Variants in MPP7 observed in about 807,000 individuals in gnomAD.
The protein encoded by MPP7 is MAGUK p55 scaffold protein 7.
Under a neutral mutation model 76.5 loss-of-function variants are expected in MPP7, and 60 were observed. That is an observed-to-expected ratio of 0.78 (90% CI 0.64 to 0.97). The LOEUF (loss-of-function observed/expected upper bound fraction) is 0.97. MPP7 is among the 50% of genes least tolerant of loss of function. The pLI is 0.00. For missense variants in MPP7, 641 were observed against 694.0 expected (o/e 0.92, Z 0.86); for synonymous variants, 237 against 244.5 (o/e 0.97, Z 0.29).
At chr10:28,276,468 T>C (rs1158385318) in intron 1 of MPP7, among the ~76,000 whole-genome samples, 3 of 152,118 alleles carry the variant, frequency 2.0e-5, no homozygotes, top group South Asian at 2.1e-4. Context: ...ACAGCTGAGA[T>C]GAGAAATAGC....
chr10:28,107,338 T>C (rs1834358439), intron 11 of MPP7, among the ~76,000 whole-genome samples: 1 of 152,172 alleles, frequency 6.6e-6, no homozygotes, highest in African/African-American at 2.4e-5. Flanking sequence ...GCATTTTATG[T>C]GACAGTCATC....
intron 11 of MPP7, among the ~76,000 whole-genome samples, chr10:28,096,233 C>A (rs1049739305): frequency 6.6e-6 from 1 of 152,144 alleles, no homozygotes; most frequent in African/African-American, 2.4e-5. Context: ...AGATCCTGTC[C>A]AAATGCTTCT....
At chr10:28,225,022 C>T (rs1471318029) in intron 2 of MPP7, among the ~76,000 whole-genome samples, 1 of 152,054 alleles carries the variant, frequency 6.6e-6, no homozygotes, top group Non-Finnish European at 1.5e-5. Context: ...ATTTATTCTG[C>T]AAATAAACAC....
At chr10:28,123,770 C>T (rs1834919925) in intron 8 of MPP7, among the ~76,000 whole-genome samples, 1 of 152,054 alleles carries the variant, frequency 6.6e-6, no homozygotes, top group South Asian at 2.1e-4. Flanking sequence ...CCACACTCGG[C>T]CCTAAAACTC....
chr10:28,074,905 G>A (rs1852416354), intron 12 of MPP7, among the ~76,000 whole-genome samples: 1 of 152,088 alleles, frequency 6.6e-6, no homozygotes, highest in South Asian at 2.1e-4. Context: ...ACATTAGTCT[G>A]TTCTCACACT....
At chr10:28,114,939 C>A (rs1446331073) in intron 11 of MPP7, among the ~76,000 whole-genome samples, 2 of 152,158 alleles carry the variant, frequency 1.3e-5, no homozygotes, top group Non-Finnish European at 2.9e-5. Context: ...AGGTTCTTCA[C>A]CTCAACCATC....
chr10:28,234,654 C>G (rs1217327699), intron 2 of MPP7, among the ~76,000 whole-genome samples: 1 of 152,128 alleles, frequency 6.6e-6, no homozygotes, highest in Non-Finnish European at 1.5e-5. Flanking sequence ...GATCTTACCC[C>G]ACAAACACAT....
chr10:28,215,258 T>C (rs6481512), intron 2 of MPP7, among the ~76,000 whole-genome samples: 24,711 of 152,048 alleles, frequency 0.16, 2,374 homozygotes, highest in African/African-American at 0.26. Context: ...TCTTTCTCCA[T>C]TGCAATTCCC....
chr10:28,085,781 G>A (rs1852979058), intron 12 of MPP7, among the ~76,000 whole-genome samples: 1 of 152,008 alleles, frequency 6.6e-6, no homozygotes, highest in Non-Finnish European at 1.5e-5. Flanking sequence ...ACAGGAGACA[G>A]AAACAGCAGT....
At chr10:28,113,022 G>A (rs532491342) in intron 11 of MPP7, among the ~76,000 whole-genome samples, 1 of 152,124 alleles carries the variant, frequency 6.6e-6, no homozygotes, top group East Asian at 1.9e-4. Context: ...TTATACAACT[G>A]CCTGCTGGTG....
intron 2 of MPP7, among the ~76,000 whole-genome samples, chr10:28,226,822 T>C (rs1216493151): frequency 6.6e-6 from 1 of 152,142 alleles, no homozygotes; most frequent in Non-Finnish European, 1.5e-5. Flanking sequence ...GATTCTAAAA[T>C]GAGCAATGAA....
intron 3 of MPP7, among the ~76,000 whole-genome samples, chr10:28,185,198 T>A (rs557411255): frequency 6.7e-6 from 1 of 148,212 alleles, no homozygotes; most frequent in African/African-American, 2.5e-5. Flanking sequence ...AATTATTATG[T>A]TGTTATATGA....
At chr10:28,332,246 C>CGTGTGTGTGTGTGTGTGTGT (rs4018712) in intron 1 of MPP7, among the ~76,000 whole-genome samples, 2,989 of 146,818 alleles carry the variant, frequency 0.02, 56 homozygotes, top group Non-Finnish European at 0.026. Context: ...CAAATGTATG[C>CGTGTGTGTGTGTGTGTGTGT]GTGTGTGTGT....
chr10:28,216,271 G>A (rs1465609748), intron 2 of MPP7, among the ~76,000 whole-genome samples: 1 of 151,910 alleles, frequency 6.6e-6, no homozygotes, highest in South Asian at 2.1e-4. Flanking sequence ...AGTCAAGGTG[G>A]TGCCACTGCA....
intron 2 of MPP7, among the ~76,000 whole-genome samples, chr10:28,323,113 C>G (rs576416883): frequency 6.6e-6 from 1 of 151,952 alleles, no homozygotes; most frequent in South Asian, 2.1e-4. Context: ...GGTGAAACCC[C>G]GTCTCTACTA....
intron 5 of MPP7, among the ~76,000 whole-genome samples, chr10:28,141,108 G>A (rs543733155): frequency 4.6e-5 from 7 of 151,984 alleles, no homozygotes; most frequent in Non-Finnish European, 8.8e-5. Context: ...ATAAATATCT[G>A]CAGTTATTTA....
chr10:28,088,446 C>T (rs1027512904), intron 12 of MPP7, among the ~76,000 whole-genome samples: 4 of 152,222 alleles, frequency 2.6e-5, no homozygotes, highest in South Asian at 2.1e-4. Flanking sequence ...CGTCCCCTGT[C>T]GCTCTCACTC....
Position 28,054,236 on chromosome 10 carries a change from ATCT to A in MPP7, c.1557_1559del (p.Glu519del), listed in dbSNP as rs761105527. The A allele has an allele frequency of 6.4e-6, 10 of 1,562,252 alleles. No individual in the cohort carries two copies. The East Asian group carries it at 1.4e-4, about 21-fold the overall frequency. ...GTGCAGATTTAATCATTTCTTGAAA[ATCT>A]TCTTCCTACAAAAGGAAGTATTAAA... On this transcript the variant is annotated inframe_deletion, in exon 17 of 17. Transcript: ENST00000683449.
At chr10:28,261,103 G>T (rs1336968321) in intron 1 of MPP7, among the ~76,000 whole-genome samples, 1 of 152,054 alleles carries the variant, frequency 6.6e-6, no homozygotes, top group Admixed American at 6.5e-5. Flanking sequence ...AAGAAAAATT[G>T]CTCTTTATAT....
Sources: allele counts gnomAD v4.1 joint callset (sites outside exome capture counted in the v4.1 genomes callset), GRCh38; gene constraint gnomAD v4.1.1; transcripts MANE v1.5; gene names NCBI Gene and HGNC (gene_info 2026-07-23, HGNC 2026-07-21).